The following PDE4D variants were observed in gnomAD, a reference collection of about 807,000 sequenced individuals.
PDE4D encodes 3',5'-cyclic-AMP phosphodiesterase 4D.
In PDE4D, 24 loss-of-function variants were observed where a neutral mutation model predicts 87.4. The ratio of observed to expected loss-of-function variants is 0.27; its 90% CI spans 0.20 to 0.39. The LOEUF is 0.39. PDE4D is among the 10% of genes least tolerant of loss of function. The pLI is 1.00. For synonymous variants in PDE4D, 384 were observed against 383.2 expected (o/e 1.00, Z -0.02); for missense variants, 714 against 1,041.0 (o/e 0.69, Z 4.32).
intron 2 of PDE4D, among the ~76,000 whole-genome samples, chr5:60,055,756 A>G (rs1770708418): frequency 2.6e-5 from 4 of 152,134 alleles, no homozygotes; most frequent in Non-Finnish European, 5.9e-5. Flanking sequence ...AGAGGATTCA[A>G]AGCCAGGCAG....
intron 1 of PDE4D, among the ~76,000 whole-genome samples, chr5:60,509,759 C>CT (rs975230381): frequency 1.3e-5 from 2 of 151,928 alleles, no homozygotes; most frequent in African/African-American, 2.4e-5. Flanking sequence ...CCACCCCTTT[C>CT]TTTTTTTTGT....
intron 5 of PDE4D, among the ~76,000 whole-genome samples, chr5:59,154,348 A>G (rs1236376280): frequency 6.6e-6 from 1 of 152,196 alleles, no homozygotes; most frequent in Non-Finnish European, 1.5e-5. Context: ...TGTATCAATA[A>G]TTTTATAAAA....
intron 1 of PDE4D, among the ~76,000 whole-genome samples, chr5:60,501,624 A>G (rs1204688094): frequency 2.0e-5 from 3 of 151,706 alleles, no homozygotes; most frequent in East Asian, 1.9e-4. Context: ...CCAACAGTGT[A>G]AAAGTGTTCC....
At chr5:59,585,653 A>G (rs1204906696) in intron 1 of PDE4D, among the ~76,000 whole-genome samples, 3 of 152,220 alleles carry the variant, frequency 2.0e-5, no homozygotes, top group Non-Finnish European at 4.4e-5. Context: ...CATAAACTCC[A>G]GCAAGAAATG....
At chr5:60,382,174 T>C (rs1318199349) in intron 1 of PDE4D, among the ~76,000 whole-genome samples, 1 of 152,090 alleles carries the variant, frequency 6.6e-6, no homozygotes, top group African/African-American at 2.4e-5. Context: ...TGATAAGCAT[T>C]GAAATATATA....
At chr5:59,725,592 T>C (rs188768618) in intron 1 of PDE4D, among the ~76,000 whole-genome samples, 1 of 152,236 alleles carries the variant, frequency 6.6e-6, no homozygotes, top group East Asian at 1.9e-4. Context: ...ATCAATGGAA[T>C]GCACTGCATA....
At chr5:59,691,344 G>C in intron 1 of PDE4D, among the ~76,000 whole-genome samples, 1 of 152,020 alleles carries the variant, frequency 6.6e-6, no homozygotes, top group Admixed American at 6.6e-5. Context: ...TGATAGACTG[G>C]ATTAAGAAAA....
At chr5:59,636,092 T>G (rs1041019536) in intron 1 of PDE4D, among the ~76,000 whole-genome samples, 3 of 452 alleles carry the variant, frequency 6.6e-3, no homozygotes, top group African/African-American at 0.024. Context: ...ACACAAATAA[T>G]AGACAAACAG....
rs569090741 is a variant in PDE4D, at chr5:60,429,027, C to T, written c.-90+58915G>A. 3.9e-5 allele frequency among the ~76,000 whole-genome samples: 6 copies of T among 152,296 alleles called. No individual in the cohort carries two copies. In the South Asian group the frequency reaches 1.2e-3, roughly 32 times the overall value. ...GTTTATGATTATTGTCCCAATGTGA[C>T]TACTAATAGTTCTCCCATTCATTCA... On this transcript the variant is annotated intron_variant, in intron 1 of 16. Transcript: ENST00000502484.
chr5:59,545,731 CTA>C (rs1399560267), intron 1 of PDE4D, among the ~76,000 whole-genome samples: 1 of 152,082 alleles, frequency 6.6e-6, no homozygotes, highest in Non-Finnish European at 1.5e-5. Flanking sequence ...ATGAAAAATT[CTA>C]GTTTGCCCCT....
intron 1 of PDE4D, among the ~76,000 whole-genome samples, chr5:59,616,639 CCTTGT>C (rs1172768014): frequency 1.3e-5 from 2 of 151,886 alleles, no homozygotes; most frequent in African/African-American, 4.8e-5. Flanking sequence ...AGTCACTGGC[CCTTGT>C]CTTTTCAAAT....
intron 1 of PDE4D, among the ~76,000 whole-genome samples, chr5:60,340,439 C>T (rs1758209082): frequency 1.3e-5 from 2 of 151,908 alleles, no homozygotes; most frequent in Admixed American, 1.3e-4. Flanking sequence ...TCAGATGTTA[C>T]CCTGGTATAA....
intron 1 of PDE4D, among the ~76,000 whole-genome samples, chr5:60,478,781 C>T (rs183739378): frequency 1.3e-5 from 2 of 152,196 alleles, no homozygotes; most frequent in South Asian, 4.1e-4. Flanking sequence ...TCTCACCCAG[C>T]CTCCTTCATG....
chr5:60,446,759 G>C (rs1159740141), intron 1 of PDE4D, among the ~76,000 whole-genome samples: 1 of 152,142 alleles, frequency 6.6e-6, no homozygotes, highest in East Asian at 1.9e-4. Context: ...CCCTTCATTA[G>C]TCTAATGTAA....
chr5:59,312,439 C>T lies in PDE4D; in HGVS notation c.456-96471G>A, dbSNP rs115313191. 1.7e-3 allele frequency among the ~76,000 whole-genome samples: 255 copies of T among 152,244 alleles called. 1 individual carries two copies. Among genetic ancestry groups the T allele is most frequent in the African/African-American group, 5.6e-3 (232 of 41,558 alleles). ...CCCAATCAGGACTACAATGCCAAAGCGGGAATATGGGCCAGGAACCATAGG... is the reference window on the plus strand; with the variant it reads ...CCCAATCAGGACTACAATGCCAAAGTGGGAATATGGGCCAGGAACCATAGG... On this transcript the variant is annotated intron_variant, in intron 1 of 14. Transcript: ENST00000340635.
intron 1 of PDE4D, among the ~76,000 whole-genome samples, chr5:59,740,442 A>G (rs1758672390): frequency 6.6e-6 from 1 of 152,196 alleles, no homozygotes; most frequent in Non-Finnish European, 1.5e-5. Flanking sequence ...TGGCAACAAT[A>G]ATCAATACTC....
intron 2 of PDE4D, among the ~76,000 whole-genome samples, chr5:60,103,384 G>C (rs1360357668): frequency 6.6e-6 from 1 of 152,112 alleles, no homozygotes; most frequent in African/African-American, 2.4e-5. Context: ...ATAAAAAGGG[G>C]AAAAGGACAC....
intron 1 of PDE4D, among the ~76,000 whole-genome samples, chr5:59,862,346 G>A (rs1746406662): frequency 6.6e-6 from 1 of 152,016 alleles, no homozygotes; most frequent in Non-Finnish European, 1.5e-5. Flanking sequence ...AACTAAGAAA[G>A]AAAGAAGGAA....
At chr5:59,313,717 T>C (rs1041352685) in intron 1 of PDE4D, among the ~76,000 whole-genome samples, 3 of 152,148 alleles carry the variant, frequency 2.0e-5, no homozygotes, top group Non-Finnish European at 4.4e-5. Context: ...CAAATATATA[T>C]ACAGAGAGTA....
Sources: gnomAD v4.1 joint callset for allele counts (sites outside exome capture counted in the v4.1 genomes callset) on GRCh38, gnomAD v4.1.1 for gene constraint, MANE v1.5 for transcripts, NCBI Gene and HGNC (gene_info 2026-07-23, HGNC 2026-07-21) for gene names.